The following TMEM38B variants were observed in gnomAD, a reference collection of about 807,000 sequenced individuals.
TMEM38B encodes transmembrane protein 38B.
TMEM38B carries 24 observed loss-of-function variants against 28.7 expected under a neutral mutation model. The observed-to-expected ratio is 0.84, with a 90% confidence interval of 0.61 to 1.18. The LOEUF is 1.18. TMEM38B is among the 50% of genes most tolerant of loss of function. TMEM38B has a pLI of 0.00. For synonymous variants in TMEM38B, 131 were observed against 127.7 expected, an observed-to-expected ratio of 1.03 and a Z score of -0.17; for missense variants, 380 against 350.9, an observed-to-expected ratio of 1.08 and a Z score of -0.66.
chr9:105,706,475 A>G (rs1459615647), intron 2 of TMEM38B, among the ~76,000 whole-genome samples: 1 of 152,216 alleles, frequency 6.6e-6, no homozygotes, highest in Non-Finnish European at 1.5e-5. Context: ...CTGGGCCTTG[A>G]ATAAAGACAG....
chr9:105,760,114 G>C (rs1485981297), intron 5 of TMEM38B: 1 of 883,218 alleles, frequency 1.1e-6, no homozygotes, highest in African/African-American at 1.6e-5. Context: ...GGTTGCCATC[G>C]ATGCGCTACA....
At chr9:105,705,220 T>G (rs748185862) in intron 1 of TMEM38B, among the ~76,000 whole-genome samples, 14 of 152,216 alleles carry the variant, frequency 9.2e-5, no homozygotes, top group Non-Finnish European at 1.9e-4. Flanking sequence ...TACTTAAGAT[T>G]GTAAATTTTT....
At chr9:105,742,708 C>CA (rs765889679) in intron 4 of TMEM38B, among the ~76,000 whole-genome samples, 4 of 152,102 alleles carry the variant, frequency 2.6e-5, no homozygotes, top group Non-Finnish European at 5.9e-5. Flanking sequence ...GAATACAATC[C>CA]AAAATGGTAG....
chr9:105,749,093 A>T (rs1393136768), intron 5 of TMEM38B: 1 of 1,303,930 alleles, frequency 7.7e-7, no homozygotes, highest in Non-Finnish European at 1.0e-6. Context: ...ATTGGAGATG[A>T]TCTGTGGCTG....
At chr9:105,763,881 C>G (rs1384443580) in intron 5 of TMEM38B, among the ~76,000 whole-genome samples, 1 of 150,858 alleles carries the variant, frequency 6.6e-6, no homozygotes, top group Non-Finnish European at 1.5e-5. Context: ...AGCTTATCCA[C>G]CATGATCAAG....
intron 2 of TMEM38B, among the ~76,000 whole-genome samples, chr9:105,718,388 G>A (rs969534934): frequency 1.3e-5 from 2 of 152,016 alleles, no homozygotes; most frequent in South Asian, 2.1e-4. Flanking sequence ...ATAGGCGCCC[G>A]CCACCATGCT....
Position 105,774,097 on chromosome 9 carries a change from C to G in TMEM38B, c.*17C>G, listed in dbSNP as rs375149894. 3.7e-6 allele frequency: 6 copies of G among 1,605,550 alleles called. No individual in the cohort carries two copies. In the African/African-American group the frequency reaches 8.1e-5, roughly 22 times the overall value. On this transcript the variant is annotated 3_prime_UTR_variant, in exon 6 of 6. Coordinates refer to ENST00000374692, the MANE Select transcript of TMEM38B (RefSeq NM_018112.3). ...AATGAATAAATTTACGTGATGAGCT[C>G]TACAAGGCCAAAAATTTTTTTTCTT...
chr9:105,727,932 T>A (rs1836577394), intron 4 of TMEM38B, among the ~76,000 whole-genome samples: 1 of 152,138 alleles, frequency 6.6e-6, no homozygotes. Flanking sequence ...TCTCACCATG[T>A]GATGTCCTCC....
At chr9:105,769,459 G>C (rs1400558881) in intron 5 of TMEM38B, among the ~76,000 whole-genome samples, 1 of 152,140 alleles carries the variant, frequency 6.6e-6, no homozygotes, top group Non-Finnish European at 1.5e-5. Flanking sequence ...GGGACTACAG[G>C]TGTGTGCCAC....
At chr9:105,709,206 A>G (rs1835800489) in intron 2 of TMEM38B, among the ~76,000 whole-genome samples, 1 of 152,166 alleles carries the variant, frequency 6.6e-6, no homozygotes, top group Non-Finnish European at 1.5e-5. Flanking sequence ...TTAAATACTT[A>G]TTTTGGGGGT....
rs988259642 is a variant in TMEM38B, at chr9:105,724,588, A to G, written c.542+1967A>G. Among the ~76,000 whole-genome samples, 10 of 151,204 alleles carry G rather than the reference A, an allele frequency of 6.6e-5. No homozygotes were observed. The South Asian group carries it at 1.0e-3, about 16-fold the overall frequency. On this transcript the variant is annotated intron_variant, in intron 4 of 5. Coordinates refer to ENST00000374692, the MANE Select transcript of TMEM38B (RefSeq NM_018112.3). The stretch of plus-strand genomic sequence containing the variant: ...CAATGAGCTGAGATCGCACCACTGC[A>G]CTCCAGCCTGGGTGACAGAGGTGAG...
chr9:105,747,081 CT>C (rs1837431246), intron 4 of TMEM38B, among the ~76,000 whole-genome samples: 1 of 152,180 alleles, frequency 6.6e-6, no homozygotes, highest in Admixed American at 6.5e-5. Flanking sequence ...CAGGATGATG[CT>C]GGCCTCATAA....
At chr9:105,743,303 G>A (rs1837271421) in intron 4 of TMEM38B, among the ~76,000 whole-genome samples, 1 of 152,136 alleles carries the variant, frequency 6.6e-6, no homozygotes, top group African/African-American at 2.4e-5. Flanking sequence ...ATAGCCACAG[G>A]AAAGTAATAC....
chr9:105,723,246 G>T (rs1413078879), intron 4 of TMEM38B, among the ~76,000 whole-genome samples: 1 of 152,086 alleles, frequency 6.6e-6, no homozygotes, highest in Non-Finnish European at 1.5e-5. Flanking sequence ...CTTTTTTAAA[G>T]AGACAGATTC....
At chr9:105,727,328 G>A (rs1273283517) in intron 4 of TMEM38B, among the ~76,000 whole-genome samples, 1 of 151,736 alleles carries the variant, frequency 6.6e-6, no homozygotes, top group Non-Finnish European at 1.5e-5. Flanking sequence ...TTCTTTCTGT[G>A]TCTGATTTAT....
In TMEM38B at chr9:105,773,992, C is replaced by G; in HGVS notation, c.788C>G (p.Pro263Arg). Residue 263 changes from proline to arginine, a missense_variant, in exon 6 of 6, where the codon CCT becomes CGT. Coordinates refer to ENST00000374692, the MANE Select transcript of TMEM38B (RefSeq NM_018112.3). ...SCEKKSEAKS[P>R]SNGVGSLASK... The stretch of plus-strand genomic sequence containing the variant: ...GAGAAGAAAAGTGAAGCAAAGTCAC[C>G]TTCCAATGGCGTTGGGTCATTGGCC... 1 of 1,613,786 alleles carries G rather than the reference C, an allele frequency of 6.2e-7. No individual in the cohort carries two copies. The highest frequency in any genetic ancestry group is 8.5e-7 in the Non-Finnish European group (1 of 1,179,824).
intron 5 of TMEM38B, among the ~76,000 whole-genome samples, chr9:105,767,038 G>T (rs1003139874): frequency 1.3e-5 from 2 of 151,798 alleles, no homozygotes; most frequent in East Asian, 1.9e-4. Context: ...ATGGTTTCCA[G>T]CTTCATCTAT....
At chr9:105,745,598 C>T (rs905998802) in intron 4 of TMEM38B, among the ~76,000 whole-genome samples, 4 of 152,046 alleles carry the variant, frequency 2.6e-5, no homozygotes, top group South Asian at 2.1e-4. Flanking sequence ...TTAATTAGAT[C>T]CCATTTGTCA....
intron 5 of TMEM38B, among the ~76,000 whole-genome samples, chr9:105,755,592 G>C (rs563906895): frequency 6.6e-6 from 1 of 152,178 alleles, no homozygotes; most frequent in Non-Finnish European, 1.5e-5. Context: ...CACAGTTTCT[G>C]CAAAGAAGCC....
Sources: allele counts gnomAD v4.1 joint callset (sites outside exome capture counted in the v4.1 genomes callset), GRCh38; gene constraint gnomAD v4.1.1; transcripts MANE v1.5; gene names NCBI Gene and HGNC (gene_info 2026-07-23, HGNC 2026-07-21).